The following CENPP variants were observed in gnomAD, a reference collection of about 807,000 sequenced individuals.
The protein encoded by CENPP is centromere protein P.
A neutral mutation model predicts 35.6 loss-of-function variants in CENPP; 24 were observed. That is an observed-to-expected ratio of 0.67 (90% CI 0.49 to 0.95). The LOEUF (loss-of-function observed/expected upper bound fraction) is 0.95, where lower values mean the gene tolerates loss of function less well. Ranked by LOEUF, CENPP falls within the 40% of genes least tolerant of loss-of-function variation. CENPP has a pLI of 0.00. For synonymous variants in CENPP, 120 were observed against 125.5 expected, an observed-to-expected ratio of 0.96 and a Z score of 0.29; for missense variants, 332 against 345.3, an observed-to-expected ratio of 0.96 and a Z score of 0.31.
chr9:92,336,515 G>T (rs1266885756), intron 2 of CENPP, among the ~76,000 whole-genome samples: 1 of 152,122 alleles, frequency 6.6e-6, no homozygotes, highest in Admixed American at 6.5e-5. Flanking sequence ...GTGCTATCTA[G>T]TGCATCCATC....
At chr9:92,562,308 G>A (rs1170767272) in intron 5 of CENPP, among the ~76,000 whole-genome samples, 1 of 150,574 alleles carries the variant, frequency 6.6e-6, no homozygotes, top group African/African-American at 2.4e-5. Context: ...AGGTTCAAGC[G>A]ATTCTCCTGC....
intron 4 of CENPP, among the ~76,000 whole-genome samples, chr9:92,367,449 G>A (rs566571918): frequency 5.3e-5 from 8 of 152,028 alleles, no homozygotes; most frequent in Non-Finnish European, 7.4e-5. Context: ...TTACAGGCGT[G>A]AGCCACCATG....
chr9:92,360,956 C>G (rs1841731558), intron 4 of CENPP, among the ~76,000 whole-genome samples: 1 of 152,040 alleles, frequency 6.6e-6, no homozygotes, highest in Non-Finnish European at 1.5e-5. Flanking sequence ...ATCCGCCCGC[C>G]TCGGCCTCCC....
rs550633699 is a variant in CENPP at position 92,446,367 on chromosome 9, A to G, written c.564+66508A>G. On this transcript the variant is annotated intron_variant, in intron 5 of 7. Coordinates refer to ENST00000375587, the MANE Select transcript of CENPP (RefSeq NM_001012267.3). ...AGAGGTGATTGGGAAAATCGGTTTC[A>G]GAGCTCCTCAGAGTCTATAATAGAA... 7.2e-5 allele frequency among the ~76,000 whole-genome samples: 11 copies of G among 152,346 alleles called. No individual in the cohort carries two copies. In the South Asian group the frequency reaches 2.3e-3, roughly 32 times the overall value.
intron 3 of CENPP, chr9:92,341,525 G>A (rs1214696369): frequency 1.3e-5 from 2 of 152,150 alleles, no homozygotes; most frequent in East Asian, 1.9e-4. Context: ...CAAGCCGGCC[G>A]ACGCTTAGGA....
At chr9:92,578,293 A>T (rs984958384) in intron 5 of CENPP, among the ~76,000 whole-genome samples, 1 of 152,126 alleles carries the variant, frequency 6.6e-6, no homozygotes. Flanking sequence ...AGCATGATTT[A>T]TAGTCCTTTG....
At position 92,385,685 on chromosome 9, in the gene CENPP, C is replaced by A; in HGVS notation, c.564+5826C>A. 1 of 1,614,070 alleles carries A rather than the reference C, an allele frequency of 6.2e-7. No individual in the cohort carries two copies. Among genetic ancestry groups the A allele is most frequent in the Non-Finnish European group, 8.5e-7 (1 of 1,179,976 alleles). ...AAACTGTTTGGATGCTTTCCCAGGA[C>A]GATTGGATTGCCCTCCAGGCGTATC... On this transcript the variant is annotated intron_variant, in intron 5 of 7. Transcript: ENST00000375587.
chr9:92,560,793 A>T (rs1185965491), intron 5 of CENPP, among the ~76,000 whole-genome samples: 1 of 150,386 alleles, frequency 6.6e-6, no homozygotes, highest in Admixed American at 6.6e-5. Context: ...TTCCGCATTT[A>T]TGGCTCTCAG....
intron 5 of CENPP, chr9:92,522,976 CA>C: frequency 7.7e-7 from 1 of 1,300,092 alleles, no homozygotes; most frequent in African/African-American, 1.5e-5. Flanking sequence ...TTGTATGCCT[CA>C]GTAGGCAAGT....
At chr9:92,518,349 TACTG>T (rs933647284) in intron 5 of CENPP, among the ~76,000 whole-genome samples, 2 of 152,170 alleles carry the variant, frequency 1.3e-5, no homozygotes, top group Non-Finnish European at 2.9e-5. Flanking sequence ...TGTCTAATTA[TACTG>T]ACCAAAGCAA....
At chr9:92,453,282 G>A (rs1312353096) in intron 5 of CENPP, among the ~76,000 whole-genome samples, 13 of 152,024 alleles carry the variant, frequency 8.6e-5, no homozygotes, top group African/African-American at 2.2e-4. Context: ...TGTGTCCCAG[G>A]GATTCTGGTA....
chr9:92,520,096 A>G (rs1334572962), intron 5 of CENPP, among the ~76,000 whole-genome samples: 1 of 127,194 alleles, frequency 7.9e-6, no homozygotes, highest in East Asian at 2.0e-4. Flanking sequence ...GGCTTGGACA[A>G]CATAATGGGA....
In CENPP at chr9:92,386,165, A is replaced by G. The variant is rs745715592; in HGVS notation, c.564+6306A>G. On this transcript the variant is annotated intron_variant, in intron 5 of 7. Coordinates refer to ENST00000375587, the MANE Select transcript of CENPP (RefSeq NM_001012267.3). ...AGTCACAAGATTTTGACTCATAGGT[A>G]ATTAGAGTCAGATATTGTGAAAGGA... 3 of 1,429,622 alleles carry G rather than the reference A, an allele frequency of 2.1e-6. No homozygotes were observed. In the African/African-American group the frequency reaches 4.2e-5, roughly 20 times the overall value. The allele number at this position is 1,429,622 out of a possible 1,614,324, so 88.6% of individuals were successfully genotyped here. A position where few individuals can be genotyped will look rare whatever the true frequency, so the allele number is the denominator to read the frequency against.
At chr9:92,567,419 TGATTA>T (rs1386482861) in intron 5 of CENPP, among the ~76,000 whole-genome samples, 1 of 145,312 alleles carries the variant, frequency 6.9e-6, no homozygotes, top group African/African-American at 2.5e-5. Context: ...AAGTGGTTAG[TGATTA>T]GATTAATTAG....
chr9:92,590,932 A>G lies in CENPP; in HGVS notation c.565-20382A>G, dbSNP rs183458649. ...CTAGTGGAACAAAATAATGTGGACCATAGTTTCAGGATAGAGAAGTATTAA... is the reference window on the plus strand; with the variant it reads ...CTAGTGGAACAAAATAATGTGGACCGTAGTTTCAGGATAGAGAAGTATTAA... On this transcript the variant is annotated intron_variant, in intron 5 of 7. Coordinates refer to ENST00000375587, the MANE Select transcript of CENPP (RefSeq NM_001012267.3). 1.2e-3 allele frequency among the ~76,000 whole-genome samples: 183 copies of G among 152,350 alleles called. 2 individuals are homozygous for G. The highest frequency in any genetic ancestry group is 4.2e-3 in the African/African-American group (175 of 41,576).
chr9:92,484,009 T>C (rs972990343), intron 5 of CENPP, among the ~76,000 whole-genome samples: 3 of 152,164 alleles, frequency 2.0e-5, no homozygotes, highest in Admixed American at 2.0e-4. Context: ...ACTGGATGAA[T>C]TGGGAACATA....
chr9:92,329,254 A>G (rs2130771936), intron 1 of CENPP, among the ~76,000 whole-genome samples: 1 of 140,276 alleles, frequency 7.1e-6, no homozygotes, highest in East Asian at 2.1e-4. Context: ...GCGCAACCTC[A>G]GCTCACTGCA....
chr9:92,350,295 C>G (rs1338014191), intron 4 of CENPP, among the ~76,000 whole-genome samples: 5 of 152,148 alleles, frequency 3.3e-5, no homozygotes, highest in Admixed American at 2.0e-4. Context: ...GAAGTTTGGA[C>G]TTTGCTTAGG....
chr9:92,363,979 G>A (rs1564279602), intron 4 of CENPP, among the ~76,000 whole-genome samples: 1 of 151,872 alleles, frequency 6.6e-6, no homozygotes, highest in Admixed American at 6.6e-5. Context: ...CTCCTGAATA[G>A]CTGGAACCAC....
Sources: allele counts gnomAD v4.1 joint callset (sites outside exome capture counted in the v4.1 genomes callset), GRCh38; gene constraint gnomAD v4.1.1; transcripts MANE v1.5; gene names NCBI Gene and HGNC (gene_info 2026-07-23, HGNC 2026-07-21).